HIVEP2: variants seen among roughly 807,000 people sequenced by gnomAD.
HIVEP2 encodes the protein HIVEP zinc finger 2.
In HIVEP2, 14 loss-of-function variants were observed where a neutral mutation model predicts 180.7. That is an observed-to-expected ratio of 0.08 (90% confidence interval 0.05 to 0.12). The LOEUF (loss-of-function observed/expected upper bound fraction) is 0.12. Among genes scored for constraint, HIVEP2 ranks in the 10% least tolerant of loss-of-function variants. HIVEP2 has a pLI of 1.00. For synonymous variants in HIVEP2, 1,184 were observed against 1,136.4 expected (o/e 1.04, Z -0.84); for missense variants, 2,579 against 3,008.5 (o/e 0.86, Z 3.34).
In HIVEP2 at chr6:142,774,515, A is replaced by C. The variant is rs1775643422; in HGVS notation, c.224T>G (p.Val75Gly). 1 of 1,614,104 alleles carries C rather than the reference A, an allele frequency of 6.2e-7. No individual in the cohort carries two copies. The highest frequency in any genetic ancestry group is 8.5e-7 in the Non-Finnish European group (1 of 1,180,024). ...GSGKLASPSE[V>G]VQQVAEKQYP... Reference sequence around the variant, plus strand: ...TTGCTTCTCTGCGACTTGCTGCACCACTTCACTAGGGGAGGCCAGTTTCCC... The same window carrying C: ...TTGCTTCTCTGCGACTTGCTGCACCCCTTCACTAGGGGAGGCCAGTTTCCC... Residue 75 changes from valine (V) to glycine (G), a missense_variant, in exon 5 of 10, where the codon GTG (valine) becomes GGG (glycine). Coordinates refer to ENST00000367603, the MANE Select transcript of HIVEP2 (RefSeq NM_006734.4). The surrounding 1 kb of genome is among the most constrained non-coding windows in gnomAD (Gnocchi z 5.1).
At chr6:142,883,014 A>C (rs576981280) in intron 1 of HIVEP2, among the ~76,000 whole-genome samples, 8 of 152,254 alleles carry the variant, frequency 5.3e-5, no homozygotes, top group Non-Finnish European at 7.4e-5. Context: ...GTCTCCATAG[A>C]AACCAAGTAT....
intron 2 of HIVEP2, among the ~76,000 whole-genome samples, chr6:142,825,920 C>T (rs1451054265): frequency 1.3e-5 from 2 of 151,636 alleles, no homozygotes; most frequent in African/African-American, 4.8e-5. Flanking sequence ...ATAAAAAGGG[C>T]ATATGTAAAA....
chr6:142,851,197 T>C (rs1347031421), intron 1 of HIVEP2, among the ~76,000 whole-genome samples: 2 of 152,302 alleles, frequency 1.3e-5, no homozygotes, highest in African/African-American at 4.8e-5. Context: ...CTGGAATCAA[T>C]AAGGCCTAGT....
chr6:142,911,416 A>G (rs1777403810), intron 1 of HIVEP2, among the ~76,000 whole-genome samples: 1 of 152,152 alleles, frequency 6.6e-6, no homozygotes, highest in Admixed American at 6.5e-5. Context: ...TAGTCAACAC[A>G]GAAAGAGAAG....
intron 1 of HIVEP2, among the ~76,000 whole-genome samples, chr6:142,849,519 T>TTA (rs200255974): frequency 9.1e-4 from 113 of 124,364 alleles, no homozygotes; most frequent in Admixed American, 1.5e-3. Flanking sequence ...ATTTATTTAT[T>TTA]TTTTTTTTTT....
chr6:142,938,007 A>G (rs1051117499), intron 1 of HIVEP2, among the ~76,000 whole-genome samples: 1 of 152,182 alleles, frequency 6.6e-6, no homozygotes, highest in African/African-American at 2.4e-5. Context: ...TTGTAATACC[A>G]TAATTACAGA....
chr6:142,907,783 C>T (rs972044305), intron 1 of HIVEP2, among the ~76,000 whole-genome samples: 3 of 152,176 alleles, frequency 2.0e-5, no homozygotes, highest in East Asian at 1.9e-4. Flanking sequence ...TTGTGACCTC[C>T]CCTAGAGCAT....
chr6:142,853,677 C>T (rs995773414), intron 1 of HIVEP2, among the ~76,000 whole-genome samples: 9 of 152,014 alleles, frequency 5.9e-5, no homozygotes, highest in Admixed American at 3.3e-4. Flanking sequence ...CTACAAGGAC[C>T]GTAAAAGTCT....
At chr6:142,927,662 T>G (rs1273796619) in intron 1 of HIVEP2, among the ~76,000 whole-genome samples, 1 of 152,240 alleles carries the variant, frequency 6.6e-6, no homozygotes, top group South Asian at 2.1e-4. Flanking sequence ...AATCTTATAC[T>G]TATCCACTTT....
intron 1 of HIVEP2, among the ~76,000 whole-genome samples, chr6:142,940,537 C>T (rs115316235): frequency 1.2e-3 from 186 of 152,318 alleles, no homozygotes; most frequent in African/African-American, 4.4e-3. Flanking sequence ...AGGCAGTCCT[C>T]ACATATGTCA....
chr6:142,787,566 C>CAAAAA (rs5880546), intron 2 of HIVEP2, among the ~76,000 whole-genome samples: 1 of 118,234 alleles, frequency 8.5e-6, no homozygotes, highest in Non-Finnish European at 1.7e-5. Context: ...TTCCTCTCTA[C>CAAAAA]AAAAAAAAAA....
At chr6:142,884,092 CAT>C (rs1259815259) in intron 1 of HIVEP2, among the ~76,000 whole-genome samples, 13 of 152,112 alleles carry the variant, frequency 8.5e-5, no homozygotes, top group Admixed American at 2.6e-4. Flanking sequence ...TATGAATGTT[CAT>C]GCCCACTTAA....
intron 2 of HIVEP2, among the ~76,000 whole-genome samples, chr6:142,829,062 A>G (rs1474973921): frequency 6.6e-6 from 1 of 151,986 alleles, no homozygotes; most frequent in East Asian, 1.9e-4. Flanking sequence ...GCCTCCCTCC[A>G]GGTTTTCCAG....
chr6:142,852,690 A>T (rs1183375633), intron 1 of HIVEP2, among the ~76,000 whole-genome samples: 1 of 152,138 alleles, frequency 6.6e-6, no homozygotes, highest in Non-Finnish European at 1.5e-5. Context: ...TGTTTTAGAG[A>T]TTTCTCCAAA....
At chr6:142,920,030 T>C (rs1777647947) in intron 1 of HIVEP2, among the ~76,000 whole-genome samples, 1 of 152,228 alleles carries the variant, frequency 6.6e-6, no homozygotes, top group Non-Finnish European at 1.5e-5. Flanking sequence ...TCTTTAAAAG[T>C]ATTTCTACAG....
intron 1 of HIVEP2, among the ~76,000 whole-genome samples, chr6:142,908,854 C>CAA (rs11443809): frequency 0.083 from 7,213 of 86,576 alleles, 436 homozygotes; most frequent in East Asian, 0.25. Flanking sequence ...TACCACCTCT[C>CAA]AAAAAAAAAA....
At chr6:142,828,252 T>C (rs544112961) in intron 2 of HIVEP2, among the ~76,000 whole-genome samples, 7 of 152,212 alleles carry the variant, frequency 4.6e-5, no homozygotes, top group Non-Finnish European at 1.0e-4. Flanking sequence ...GTTTTCCAGC[T>C]ACATTTCTGA....
At chr6:142,776,555 G>C (rs1450549202) in intron 3 of HIVEP2, among the ~76,000 whole-genome samples, 2 of 147,550 alleles carry the variant, frequency 1.4e-5, no homozygotes, top group South Asian at 2.4e-4. Flanking sequence ...TTTTGAGATA[G>C]AGTCTCACTC....
chr6:142,861,032 A>T (rs910360937), intron 1 of HIVEP2, among the ~76,000 whole-genome samples: 11 of 152,234 alleles, frequency 7.2e-5, no homozygotes, highest in Non-Finnish European at 2.9e-5. Flanking sequence ...AGGAAGTTAA[A>T]ATCTACTCAG....
Sources: allele counts gnomAD v4.1 joint callset (sites outside exome capture counted in the v4.1 genomes callset), GRCh38; gene constraint gnomAD v4.1.1; non-coding constraint Gnocchi (gnomAD v3.1); transcripts MANE v1.5; gene names NCBI Gene and HGNC (gene_info 2026-07-23, HGNC 2026-07-21).